Variants in PLPPR1 observed in about 807,000 individuals in gnomAD.
The protein encoded by PLPPR1 is phospholipid phosphatase related 1, also known as phospholipid phosphatase-related protein type 1.
PLPPR1 carries 10 observed loss-of-function variants against 33.1 expected under a neutral mutation model. The observed-to-expected ratio is 0.30, with a 90% CI of 0.19 to 0.51. The LOEUF is 0.51. Among genes scored for constraint, PLPPR1 ranks in the 20% least tolerant of loss-of-function variants. The probability of loss-of-function intolerance (pLI) is 0.97; values close to 1 mark genes in which losing one functional copy is unlikely to be tolerated. For missense variants in PLPPR1, 304 were observed against 408.1 expected (o/e 0.74, Z 2.20); for synonymous variants, 151 against 151.0 (o/e 1.00, Z 0.00).
chr9:101,216,312 A>G (rs1184069440), intron 2 of PLPPR1, among the ~76,000 whole-genome samples: 3 of 152,164 alleles, frequency 2.0e-5, no homozygotes, highest in African/African-American at 7.2e-5. Flanking sequence ...ACCGTTGGCC[A>G]TTTGTATGTC....
chr9:101,300,455 G>A (rs116350185), intron 4 of PLPPR1, among the ~76,000 whole-genome samples: 133 of 152,280 alleles, frequency 8.7e-4, no homozygotes, highest in African/African-American at 3.0e-3. Flanking sequence ...ATAGGTGTGA[G>A]CAGAAACTAT....
chr9:101,234,127 A>G (rs929101380), intron 2 of PLPPR1, among the ~76,000 whole-genome samples: 2 of 151,796 alleles, frequency 1.3e-5, no homozygotes, highest in African/African-American at 4.8e-5. Flanking sequence ...CTGATTCTGC[A>G]TATTCAGCTT....
intron 1 of PLPPR1, among the ~76,000 whole-genome samples, chr9:101,079,295 GT>G (rs1005096525): frequency 1.8e-4 from 28 of 152,200 alleles, no homozygotes; most frequent in African/African-American, 6.0e-4. Flanking sequence ...CTGCTTTCTT[GT>G]GTAAAATCCT....
At chr9:101,252,783 A>G (rs1249794207) in intron 2 of PLPPR1, among the ~76,000 whole-genome samples, 1 of 151,558 alleles carries the variant, frequency 6.6e-6, no homozygotes, top group Non-Finnish European at 1.5e-5. Flanking sequence ...GTTTGAAAGC[A>G]AATGTAGGAA....
chr9:101,268,945 T>C (rs1828046693), intron 2 of PLPPR1, among the ~76,000 whole-genome samples: 1 of 152,220 alleles, frequency 6.6e-6, no homozygotes, highest in African/African-American at 2.4e-5. Context: ...ATCTATGAAA[T>C]AAAGGTGTCA....
At chr9:101,220,223 A>G (rs1021104992) in intron 2 of PLPPR1, among the ~76,000 whole-genome samples, 13 of 152,200 alleles carry the variant, frequency 8.5e-5, no homozygotes, top group Admixed American at 5.2e-4. Context: ...AATTGCTTCA[A>G]TTGAGAACCA....
intron 7 of PLPPR1, among the ~76,000 whole-genome samples, chr9:101,319,044 A>T (rs907573374): frequency 6.6e-6 from 1 of 152,156 alleles, no homozygotes; most frequent in Non-Finnish European, 1.5e-5. Context: ...TTTATAGAAG[A>T]TATAAAAGAT....
chr9:101,179,920 G>A (rs1053515531), intron 1 of PLPPR1, among the ~76,000 whole-genome samples: 8 of 151,460 alleles, frequency 5.3e-5, no homozygotes, highest in Non-Finnish European at 1.0e-4. Context: ...GGTTAGACTG[G>A]CCTAGCTTCC....
chr9:101,133,165 T>G (rs1831334556), intron 1 of PLPPR1, among the ~76,000 whole-genome samples: 1 of 152,176 alleles, frequency 6.6e-6, no homozygotes, highest in Admixed American at 6.5e-5. Context: ...CCCACTTTGA[T>G]CCACAAAATT....
At chr9:101,088,332 C>A in intron 1 of PLPPR1, among the ~76,000 whole-genome samples, 1 of 151,650 alleles carries the variant, frequency 6.6e-6, no homozygotes, top group East Asian at 1.9e-4. Context: ...GTAATCACTT[C>A]GGTATGTATA....
chr9:101,119,827 C>T (rs1224304332), intron 1 of PLPPR1, among the ~76,000 whole-genome samples: 1 of 152,184 alleles, frequency 6.6e-6, no homozygotes, highest in African/African-American at 2.4e-5. Context: ...TAATAATCTC[C>T]TCCCCATCCT....
At chr9:101,181,854 G>GTATA (rs150075845) in intron 1 of PLPPR1, among the ~76,000 whole-genome samples, 62 of 144,352 alleles carry the variant, frequency 4.3e-4, no homozygotes, top group Non-Finnish European at 5.6e-4. Context: ...GTGCATGTGT[G>GTATA]TATATATATA....
At chr9:101,035,467 C>T (rs1486090565) in intron 1 of PLPPR1, among the ~76,000 whole-genome samples, 1 of 152,106 alleles carries the variant, frequency 6.6e-6, no homozygotes, top group Non-Finnish European at 1.5e-5. Context: ...TTTCTTTTTA[C>T]CTTCAGGCCT....
intron 1 of PLPPR1, among the ~76,000 whole-genome samples, chr9:101,062,695 T>G (rs1185562079): frequency 6.6e-6 from 1 of 152,080 alleles, no homozygotes; most frequent in Non-Finnish European, 1.5e-5. Flanking sequence ...ATTTGTTTTT[T>G]GTCTAAATAT....
intron 4 of PLPPR1, among the ~76,000 whole-genome samples, chr9:101,290,070 C>G (rs1287848799): frequency 6.6e-6 from 1 of 152,092 alleles, no homozygotes; most frequent in Non-Finnish European, 1.5e-5. Context: ...AGAAGGGTAA[C>G]TTACTCTGAG....
intron 1 of PLPPR1, among the ~76,000 whole-genome samples, chr9:101,032,106 G>A (rs2118396868): frequency 6.6e-6 from 1 of 152,272 alleles, no homozygotes; most frequent in Middle Eastern, 3.4e-3. Context: ...AGTTCTGTGT[G>A]GCTGTAGCGA....
At position 101,306,039 on chromosome 9, in the gene PLPPR1, G is replaced by A. The variant is rs371904857; in HGVS notation, c.386-3172G>A. On this transcript the variant is annotated intron_variant, in intron 4 of 7. Transcript: ENST00000374874. Reference sequence around the variant, plus strand: ...TTCTTTTAGGTCACAAAGAGCTCAGGTTTCCTTAGACAATCCATGTTACTG... The same window carrying A: ...TTCTTTTAGGTCACAAAGAGCTCAGATTTCCTTAGACAATCCATGTTACTG... Among the ~76,000 whole-genome samples the A allele has an allele frequency of 5.3e-5, 8 of 152,190 alleles. No individual in the cohort carries two copies. In the East Asian group the frequency reaches 1.5e-3, roughly 29 times the overall value.
chr9:101,118,578 T>C (rs1454960778), intron 1 of PLPPR1, among the ~76,000 whole-genome samples: 5 of 152,274 alleles, frequency 3.3e-5, no homozygotes, highest in African/African-American at 1.2e-4. Context: ...CCAGCAGATA[T>C]TGGAGAATGA....
At position 101,245,076 on chromosome 9, in the gene PLPPR1, T is replaced by A. The variant is rs554503091; in HGVS notation, c.64-24804T>A. Among the ~76,000 whole-genome samples, 3 of 152,100 alleles carry A rather than the reference T, an allele frequency of 2.0e-5. No homozygotes were observed. The South Asian group carries it at 6.2e-4, about 32-fold the overall frequency. Reference sequence around the variant, plus strand: ...AATTCTAAAACCCTGCTGCTAAGCATGGAAAAGAAAAACCACTTTAAACAC... The same window carrying A: ...AATTCTAAAACCCTGCTGCTAAGCAAGGAAAAGAAAAACCACTTTAAACAC... On this transcript the variant is annotated intron_variant, in intron 2 of 7. Transcript: ENST00000374874.
Sources: gnomAD v4.1 joint callset for allele counts (sites outside exome capture counted in the v4.1 genomes callset) on GRCh38, gnomAD v4.1.1 for gene constraint, MANE v1.5 for transcripts, NCBI Gene and HGNC (gene_info 2026-07-23, HGNC 2026-07-21) for gene names.